The following SCN3A variants were observed in gnomAD, a reference collection of about 807,000 sequenced individuals.
SCN3A encodes sodium channel protein type 3 subunit alpha.
SCN3A carries 60 observed loss-of-function variants against 187.6 expected under a neutral mutation model. That is an observed-to-expected ratio of 0.32 (90% CI 0.26 to 0.40). SCN3A has a LOEUF of 0.40. SCN3A is among the 10% of genes least tolerant of loss of function. The pLI, the probability that SCN3A is intolerant of heterozygous loss-of-function variation, is 1.00. For missense variants in SCN3A, 1,601 were observed against 2,428.2 expected, an observed-to-expected ratio of 0.66 and a Z score of 7.16; for synonymous variants, 788 against 829.2, an observed-to-expected ratio of 0.95 and a Z score of 0.85.
chr2:165,150,018 T>C (rs1166209133), intron 11 of SCN3A, among the ~76,000 whole-genome samples: 1 of 152,208 alleles, frequency 6.6e-6, no homozygotes, highest in Non-Finnish European at 1.5e-5. Flanking sequence ...TCTTAAGAGC[T>C]ACTATTTCGA....
intron 2 of SCN3A, among the ~76,000 whole-genome samples, chr2:165,178,977 A>G (rs759139402): frequency 1.3e-5 from 2 of 152,194 alleles, no homozygotes; most frequent in Non-Finnish European, 2.9e-5. Flanking sequence ...CATTTTCTGC[A>G]AGCCGTAAGT....
rs768037253 is a variant in SCN3A at position 165,092,250 on chromosome 2, T to C, written c.4807+4A>G. The C allele has an allele frequency of 6.2e-7, 1 of 1,613,918 alleles. No individual in the cohort carries two copies. The highest frequency in any genetic ancestry group is 8.5e-7 in the Non-Finnish European group (1 of 1,179,834). On this transcript the variant is annotated splice_donor_region_variant and intron_variant, in intron 27 of 27. Coordinates refer to ENST00000283254, the MANE Select transcript of SCN3A (RefSeq NM_006922.4). The surrounding 1 kb of genome is among the most constrained non-coding windows in gnomAD (Gnocchi z 4.2). ...ATACCTCTTGGTAATTAAGCTGTTC[T>C]TACCTACAATGGAGAGAATCACCAC... is the stretch of plus-strand genomic sequence containing the variant.
chr2:165,201,012 G>T (rs1692285833), intron 1 of SCN3A, among the ~76,000 whole-genome samples: 1 of 152,050 alleles, frequency 6.6e-6, no homozygotes, highest in Admixed American at 6.6e-5. Flanking sequence ...GGTGGTCTTA[G>T]TAGAAATTAC....
At chr2:165,144,372 C>T (rs188771106) in intron 12 of SCN3A, among the ~76,000 whole-genome samples, 4 of 152,176 alleles carry the variant, frequency 2.6e-5, no homozygotes, top group South Asian at 2.1e-4. Flanking sequence ...ATAAAATGAG[C>T]GACATCTACC....
rs1253893603 is a variant in SCN3A at position 165,097,238 on chromosome 2, C to T, written c.4239+14G>A. On this transcript the variant is annotated intron_variant, in intron 23 of 27. Transcript: ENST00000283254. ...CTTGAAAACTTTTTCAAAACTCGTA[C>T]AGTAGCCACTTACCACTTGAAGCAG... 2.5e-6 allele frequency: 4 copies of T among 1,613,810 alleles called. No homozygotes were observed. Among genetic ancestry groups the T allele is most frequent in the Admixed American group, 1.7e-5 (1 of 59,974 alleles).
intron 21 of SCN3A, among the ~76,000 whole-genome samples, chr2:165,108,560 T>A (rs879462857): frequency 6.6e-6 from 1 of 152,190 alleles, no homozygotes; most frequent in Non-Finnish European, 1.5e-5. Context: ...CACATTAGCA[T>A]GTTAGGATGT....
chr2:165,166,581 A>T (rs1007330312), intron 5 of SCN3A, among the ~76,000 whole-genome samples: 1 of 152,230 alleles, frequency 6.6e-6, no homozygotes, highest in Non-Finnish European at 1.5e-5. Flanking sequence ...CCCTCACTAT[A>T]TAATATGGTT....
chr2:165,193,210 G>A (rs529871031), intron 1 of SCN3A, among the ~76,000 whole-genome samples: 12 of 152,058 alleles, frequency 7.9e-5, no homozygotes, highest in African/African-American at 2.9e-4. Flanking sequence ...AGCAAGAGGC[G>A]AATCCCTTAT....
In SCN3A at chr2:165,140,974, G is replaced by C. The variant is rs750394390; in HGVS notation, c.1696C>G (p.Leu566Val). The C allele has an allele frequency of 1.9e-6, 3 of 1,613,988 alleles. No homozygotes were observed. The highest frequency in any genetic ancestry group is 1.3e-5 in the African/African-American group (1 of 75,028). ...HQSLLSIRGS[L>V]FSPRRNSKTS... The stretch of plus-strand genomic sequence containing the variant: ...TTGCTATTGCGTCTTGGGGAAAACA[G>C]GGAGCCACGGATACTCAAGAGAGAC... Residue 566 changes from leucine to valine, a missense_variant, in exon 13 of 28, where the codon CTG becomes GTG. This residue lies in a region of SCN3A where 376 missense variants were observed against 476.0 expected (regional missense o/e 0.79). Transcript: ENST00000283254. The surrounding 1 kb of genome is among the most constrained non-coding windows in gnomAD (Gnocchi z 4.2).
At position 165,140,803 on chromosome 2, in the gene SCN3A, T is replaced by C; in HGVS notation, c.1867A>G (p.Ser623Gly). 6.2e-7 allele frequency: 1 copy of C among 1,614,160 alleles called. No homozygotes were observed. Among genetic ancestry groups the C allele is most frequent in the Non-Finnish European group, 8.5e-7 (1 of 1,180,014 alleles). Residue 623 changes from serine (S) to glycine (G), a missense_variant, in exon 13 of 28, where the codon AGT (serine) becomes GGT (glycine). This residue lies in a region of SCN3A where 376 missense variants were observed against 476.0 expected (regional missense o/e 0.79). Transcript: ENST00000283254. The surrounding 1 kb of genome is among the most constrained non-coding windows in gnomAD (Gnocchi z 4.2). Reference protein sequence around the residue: ...VPHRHGERRNSNVSQASMSSR... With the variant: ...VPHRHGERRNGNVSQASMSSR... ...GACATACTGGCCTGACTAACGTTAC[T>C]GTTGCGTCGCTCTCCATGTCTGTGC... is the stretch of plus-strand genomic sequence containing the variant.
intron 21 of SCN3A, among the ~76,000 whole-genome samples, chr2:165,106,930 G>A (rs1311793555): frequency 2.6e-5 from 4 of 152,106 alleles, no homozygotes; most frequent in Non-Finnish European, 5.9e-5. Context: ...AAGAGGAGGG[G>A]CGAGACTGTC....
intron 4 of SCN3A, among the ~76,000 whole-genome samples, chr2:165,169,253 T>C (rs1448979056): frequency 1.3e-5 from 2 of 151,986 alleles, no homozygotes; most frequent in Non-Finnish European, 2.9e-5. Context: ...GAGCCCAGTA[T>C]AATCAAAGAT....
chr2:165,092,812 T>C lies in SCN3A; in HGVS notation c.4537-288A>G. ...CAACTCATGCCTGTAATTCCAGCACTTTAGGAGGCTGAGACTGGAGGCTCT... is the reference window on the plus strand; with the variant it reads ...CAACTCATGCCTGTAATTCCAGCACCTTAGGAGGCTGAGACTGGAGGCTCT... On this transcript the variant is annotated intron_variant, in intron 26 of 27. Transcript: ENST00000283254. The surrounding 1 kb of genome is among the most constrained non-coding windows in gnomAD (Gnocchi z 4.2). 2.9e-6 allele frequency: 1 copy of C among 348,308 alleles called. No homozygotes were observed. The highest frequency in any genetic ancestry group is 5.3e-6 in the Non-Finnish European group (1 of 188,160). The allele number at this position is 348,308 out of a possible 1,614,324, so 21.6% of individuals were successfully genotyped here.
At chr2:165,097,133 TATC>T in intron 23 of SCN3A, 116 bp downstream of exon 23, 1 of 1,025,156 alleles carries the variant, frequency 9.8e-7, no homozygotes, top group South Asian at 1.5e-5. Context: ...TTATAGGTGT[TATC>T]ATTAACTTTT....
chr2:165,195,789 A>G (rs1316660928), intron 1 of SCN3A, among the ~76,000 whole-genome samples: 2 of 152,126 alleles, frequency 1.3e-5, no homozygotes, highest in East Asian at 3.9e-4. Context: ...TTACCAATGC[A>G]TAAGAGGGAG....
chr2:165,132,346 A>C (rs995340053), intron 15 of SCN3A, among the ~76,000 whole-genome samples: 1 of 152,202 alleles, frequency 6.6e-6, no homozygotes, highest in African/African-American at 2.4e-5. Flanking sequence ...CAAAAGAACA[A>C]AGCTGGAGGC....
chr2:165,173,859 G>A (rs547927323), intron 3 of SCN3A, among the ~76,000 whole-genome samples: 4 of 152,224 alleles, frequency 2.6e-5, no homozygotes, highest in South Asian at 2.1e-4. Flanking sequence ...GCAGCCAACC[G>A]TAAAGACTAT....
intron 2 of SCN3A, among the ~76,000 whole-genome samples, chr2:165,177,327 G>T (rs1215095091): frequency 6.6e-6 from 1 of 152,066 alleles, no homozygotes; most frequent in Non-Finnish European, 1.5e-5. Flanking sequence ...GTGTGATTGT[G>T]GACAAAGTAA....
Position 165,140,739 on chromosome 2 carries a change from A to G in SCN3A, c.1931T>C (p.Met644Thr). The change falls in exon 13 of 28, where the codon ATG becomes ACG. Residue 644 changes from methionine to threonine, a missense_variant. This residue lies in a region of SCN3A where 376 missense variants were observed against 476.0 expected (regional missense o/e 0.79). Coordinates refer to ENST00000283254, the MANE Select transcript of SCN3A (RefSeq NM_006922.4). The surrounding 1 kb of genome is among the most constrained non-coding windows in gnomAD (Gnocchi z 4.2). ...MVPGLPANGK[M>T]HSTVDCNGVV... ...ACCATTGCAATCCACAGTGCTGTGC[A>G]TCTTCCCATTTGCTGGAAGCCCTGG... 6.2e-7 allele frequency: 1 copy of G among 1,614,106 alleles called. No homozygotes were observed. Among genetic ancestry groups the G allele is most frequent in the Non-Finnish European group, 8.5e-7 (1 of 1,179,996 alleles).
Sources: allele counts gnomAD v4.1 joint callset (sites outside exome capture counted in the v4.1 genomes callset), GRCh38; gene constraint gnomAD v4.1.1; regional missense constraint gnomAD v4.1.1; non-coding constraint Gnocchi (gnomAD v3.1); transcripts MANE v1.5; gene names NCBI Gene and HGNC (gene_info 2026-07-23, HGNC 2026-07-21).